The following RTN1 variants were observed in gnomAD, a reference collection of about 807,000 sequenced individuals.
The protein encoded by RTN1 is reticulon 1.
In RTN1, 25 loss-of-function variants were observed where a neutral mutation model predicts 65.5. That is an observed-to-expected ratio of 0.38 (90% CI 0.28 to 0.53). The LOEUF is 0.53. Among genes scored for constraint, RTN1 ranks in the 20% least tolerant of loss-of-function variants. The probability of loss-of-function intolerance (pLI) is 0.79; values close to 1 mark genes in which losing one functional copy is unlikely to be tolerated. For missense variants in RTN1, 983 were observed against 1,025.4 expected (o/e 0.96, Z 0.57); for synonymous variants, 471 against 447.6 (o/e 1.05, Z -0.66).
intron 1 of RTN1, among the ~76,000 whole-genome samples, chr14:59,819,406 C>A (rs1886884547): frequency 1.7e-4 from 3 of 17,616 alleles, no homozygotes; most frequent in African/African-American, 1.5e-3. Flanking sequence ...TGCATCCACA[C>A]CACCACCACC....
chr14:59,641,378 G>A (rs926732871), intron 3 of RTN1, among the ~76,000 whole-genome samples: 1 of 151,644 alleles, frequency 6.6e-6, no homozygotes, highest in African/African-American at 2.4e-5. Context: ...TTATTTATTT[G>A]TTTGTTTTTG....
At chr14:59,725,686 G>A (rs1884742615) in intron 3 of RTN1, among the ~76,000 whole-genome samples, 1 of 152,178 alleles carries the variant, frequency 6.6e-6, no homozygotes, top group Non-Finnish European at 1.5e-5. Context: ...ACATGTCTGA[G>A]CCACAGCAAC....
rs531859890 is a variant in RTN1 at position 59,646,626 on chromosome 14, G to A, written c.1766-39134C>T. 4.6e-5 allele frequency among the ~76,000 whole-genome samples: 7 copies of A among 152,196 alleles called. No individual in the cohort carries two copies. In the South Asian group the frequency reaches 1.5e-3, roughly 32 times the overall value. On this transcript the variant is annotated intron_variant, in intron 3 of 8. Coordinates refer to ENST00000267484, the MANE Select transcript of RTN1 (RefSeq NM_021136.3). ...AAACCCTACAAGCCTGAAGAGATTGGGGGCCTATATTCAACATTCTCAATG... is the reference window on the plus strand; with the variant it reads ...AAACCCTACAAGCCTGAAGAGATTGAGGGCCTATATTCAACATTCTCAATG...
intron 1 of RTN1, among the ~76,000 whole-genome samples, chr14:59,767,435 A>G (rs1885870138): frequency 6.6e-6 from 1 of 152,204 alleles, no homozygotes; most frequent in Admixed American, 6.5e-5. Context: ...TGGTACAGAC[A>G]CTTACCTGAC....
At position 59,603,047 on chromosome 14, in the gene RTN1, T is replaced by A. The variant is rs1566656830; in HGVS notation, c.2288+18A>T. 1.9e-6 allele frequency: 3 copies of A among 1,609,234 alleles called. No individual in the cohort carries two copies. Among genetic ancestry groups the A allele is most frequent in the East Asian group, 4.5e-5 (2 of 44,786 alleles). Reference sequence around the variant, plus strand: ...GTAAGAGAGTCTCTCCTTTTATGCATTGCACTATGTGACTTACTTTGCCAC... The same window carrying A: ...GTAAGAGAGTCTCTCCTTTTATGCAATGCACTATGTGACTTACTTTGCCAC... On this transcript the variant is annotated intron_variant, in intron 8 of 8. Coordinates refer to ENST00000267484, the MANE Select transcript of RTN1 (RefSeq NM_021136.3).
intron 3 of RTN1, among the ~76,000 whole-genome samples, chr14:59,653,929 C>T (rs772403635): frequency 8.6e-5 from 13 of 152,004 alleles, no homozygotes; most frequent in Admixed American, 2.0e-4. Flanking sequence ...AGATGAATCT[C>T]GCTCTGTCAC....
chr14:59,858,472 GTT>G (rs71111672), intron 1 of RTN1, among the ~76,000 whole-genome samples: 2 of 143,328 alleles, frequency 1.4e-5, no homozygotes, highest in Middle Eastern at 3.6e-3. Flanking sequence ...TTCAAGAGTA[GTT>G]TTTTTTTTTT....
intron 1 of RTN1, among the ~76,000 whole-genome samples, chr14:59,813,418 TA>T (rs957451452): frequency 6.6e-4 from 101 of 152,242 alleles, no homozygotes; most frequent in African/African-American, 2.2e-3. Context: ...CAAATTCAAT[TA>T]AAAAAATACT....
intron 3 of RTN1, among the ~76,000 whole-genome samples, chr14:59,629,187 C>A (rs1181009563): frequency 6.6e-6 from 1 of 152,204 alleles, no homozygotes; most frequent in African/African-American, 2.4e-5. Flanking sequence ...TCAGCTCCAT[C>A]GATTTACTTT....
At chr14:59,748,168 C>G (rs1005431330) in intron 1 of RTN1, among the ~76,000 whole-genome samples, 36 of 151,684 alleles carry the variant, frequency 2.4e-4, no homozygotes, top group African/African-American at 8.2e-4. Flanking sequence ...AGCCAAGAAA[C>G]CTCCCCTAAT....
chr14:59,701,442 GATAA>G (rs1884175877), intron 3 of RTN1, among the ~76,000 whole-genome samples: 1 of 152,116 alleles, frequency 6.6e-6, no homozygotes, highest in South Asian at 2.1e-4. Flanking sequence ...ATGATGAGTG[GATAA>G]ATCAAATGTG....
chr14:59,691,972 C>T (rs1883971041), intron 3 of RTN1, among the ~76,000 whole-genome samples: 1 of 152,088 alleles, frequency 6.6e-6, no homozygotes, highest in South Asian at 2.1e-4. Flanking sequence ...AAACACACAG[C>T]CAACATCATA....
chr14:59,691,934 C>T (rs76379309), intron 3 of RTN1, among the ~76,000 whole-genome samples: 2,330 of 152,014 alleles, frequency 0.015, 55 homozygotes, highest in African/African-American at 0.054. Context: ...AAGGAACATA[C>T]CTCAAAATAA....
At chr14:59,820,356 G>GTTTTTTTTTTTTTTTTTTTT (rs34274539) in intron 1 of RTN1, among the ~76,000 whole-genome samples, 1 of 79,354 alleles carries the variant, frequency 1.3e-5, no homozygotes, top group Non-Finnish European at 2.5e-5. Flanking sequence ...CTTATTGATA[G>GTTTTTTTTTTTTTTTTTTTT]TTTTTTTTTT....
At chr14:59,614,894 G>A (rs1041781470) in intron 3 of RTN1, among the ~76,000 whole-genome samples, 2 of 152,192 alleles carry the variant, frequency 1.3e-5, no homozygotes, top group Non-Finnish European at 2.9e-5. Context: ...GACCACTGAA[G>A]AAGCAGTTTT....
chr14:59,734,906 G>A (rs1335226103), intron 2 of RTN1, among the ~76,000 whole-genome samples: 1 of 152,010 alleles, frequency 6.6e-6, no homozygotes, highest in African/African-American at 2.4e-5. Flanking sequence ...GATAATCAAT[G>A]AAAAGATCAT....
At chr14:59,664,536 A>G (rs1316349223) in intron 3 of RTN1, among the ~76,000 whole-genome samples, 1 of 152,212 alleles carries the variant, frequency 6.6e-6, no homozygotes, top group Non-Finnish European at 1.5e-5. Context: ...ATTATTTTTT[A>G]TTTAATAGAG....
In RTN1 at chr14:59,870,497, C is replaced by G. The variant is rs923894204; in HGVS notation, c.134G>C (p.Gly45Ala). The G allele has an allele frequency of 2.7e-5, 40 of 1,457,760 alleles. No homozygotes were observed. The African/African-American group carries it at 4.9e-4, about 18-fold the overall frequency. 90.3% of individuals were successfully genotyped at this position (1,457,760 alleles called of 1,614,324 possible). Residue 45 changes from glycine (G) to alanine (A), a missense_variant, in exon 1 of 9, where the codon GGG becomes GCG. Around this residue, in one of 2 missense-constraint regions of RTN1, gnomAD observed 818 missense variants for 801.8 expected, o/e 1.02. Transcript: ENST00000267484. The surrounding 1 kb of genome is among the most constrained non-coding windows in gnomAD (Gnocchi z 5.1). ...GGCGCCCAACCCCGGGCTGGGCTCC[C>G]CAGCCTGCGGCGCCGGCGTGGCCCC... ...PKGATPAPQA[G>A]EPSPGLGARA...
chr14:59,649,792 A>G (rs1882984355), intron 3 of RTN1, among the ~76,000 whole-genome samples: 1 of 152,218 alleles, frequency 6.6e-6, no homozygotes. Context: ...ATGCTTTTAC[A>G]CTGTTGGTGG....
Sources: gnomAD v4.1 joint callset for allele counts (sites outside exome capture counted in the v4.1 genomes callset) on GRCh38, gnomAD v4.1.1 for gene constraint, gnomAD v4.1.1 regional missense constraint, Gnocchi (gnomAD v3.1) non-coding constraint, MANE v1.5 for transcripts, NCBI Gene and HGNC (gene_info 2026-07-23, HGNC 2026-07-21) for gene names.